The following CFAP221 variants were observed in gnomAD, a reference collection of about 807,000 sequenced individuals.
CFAP221 encodes cilia- and flagella-associated protein 221.
Under a neutral mutation model 113.1 loss-of-function variants are expected in CFAP221, and 97 were observed. The observed-to-expected ratio is 0.86, with a 90% CI of 0.73 to 1.02. The LOEUF (loss-of-function observed/expected upper bound fraction) is 1.02, where lower values mean the gene tolerates loss of function less well. CFAP221 is among the 50% of genes least tolerant of loss of function. The probability of loss-of-function intolerance (pLI) is 0.00; values close to 1 mark genes in which losing one functional copy is unlikely to be tolerated. For missense variants in CFAP221, 1,025 were observed against 1,013.4 expected (o/e 1.01, Z -0.16); for synonymous variants, 331 against 354.4 (o/e 0.93, Z 0.74).
At chr2:119,639,628 T>C (rs1381306394) in intron 20 of CFAP221, among the ~76,000 whole-genome samples, 153 bp from the exon 21 acceptor site, 3 of 152,250 alleles carry the variant, frequency 2.0e-5, no homozygotes. Context: ...CTGAAGCAAT[T>C]GCCTTTTTGC....
intron 1 of CFAP221, among the ~76,000 whole-genome samples, chr2:119,544,924 G>C (rs1471764441): frequency 6.6e-6 from 1 of 152,054 alleles, no homozygotes; most frequent in Non-Finnish European, 1.5e-5. Flanking sequence ...GTGAGGCTCC[G>C]GGAGGAGACG....
intron 11 of CFAP221, among the ~76,000 whole-genome samples, chr2:119,607,796 A>C (rs1330069916): frequency 6.6e-6 from 1 of 152,234 alleles, no homozygotes; most frequent in Non-Finnish European, 1.5e-5. Context: ...TCTTCCACTT[A>C]ACATGTTTTT....
intron 6 of CFAP221, among the ~76,000 whole-genome samples, chr2:119,583,320 T>G (rs1682971831): frequency 6.6e-6 from 1 of 151,012 alleles, no homozygotes; most frequent in African/African-American, 2.4e-5. Flanking sequence ...AGTATTATAC[T>G]AGAAGTCTTC....
intron 1 of CFAP221, among the ~76,000 whole-genome samples, chr2:119,545,482 A>T (rs919876655): frequency 1.3e-5 from 2 of 152,214 alleles, no homozygotes; most frequent in South Asian, 2.1e-4. Flanking sequence ...AGGGTTCGAC[A>T]TGAATCAAGA....
chr2:119,648,206 C>T (rs922094073), intron 22 of CFAP221, among the ~76,000 whole-genome samples: 2 of 152,226 alleles, frequency 1.3e-5, no homozygotes, highest in Non-Finnish European at 2.9e-5. Flanking sequence ...CGCTATCTGA[C>T]ACTTGGTAGG....
At chr2:119,581,393 A>G (rs1313793662) in intron 6 of CFAP221, among the ~76,000 whole-genome samples, 2 of 152,252 alleles carry the variant, frequency 1.3e-5, no homozygotes, top group African/African-American at 4.8e-5. Context: ...AGAACCATTT[A>G]GAAATCTTAA....
chr2:119,651,300 T>G (rs978135068), intron 22 of CFAP221, among the ~76,000 whole-genome samples: 1 of 152,166 alleles, frequency 6.6e-6, no homozygotes, highest in Non-Finnish European at 1.5e-5. Context: ...ACCACCTGTA[T>G]TTGTAAATAA....
At chr2:119,558,909 T>C (rs1270979989) in intron 3 of CFAP221, among the ~76,000 whole-genome samples, 1 of 152,148 alleles carries the variant, frequency 6.6e-6, no homozygotes, top group African/African-American at 2.4e-5. Flanking sequence ...GTCTAAAGTC[T>C]AATTTAGGGC....
At chr2:119,642,245 CG>C (rs1193589575) in intron 21 of CFAP221, among the ~76,000 whole-genome samples, 1 of 152,116 alleles carries the variant, frequency 6.6e-6, no homozygotes. Flanking sequence ...TGGATTTCCA[CG>C]GGATGTAAGA....
chr2:119,565,687 C>A (rs1045097194), intron 6 of CFAP221, among the ~76,000 whole-genome samples: 7 of 152,178 alleles, frequency 4.6e-5, no homozygotes, highest in Non-Finnish European at 8.8e-5. Context: ...GATAAGCATG[C>A]TACTGTTTTC....
chr2:119,608,611 C>T lies in CFAP221; in HGVS notation c.1221+22C>T, dbSNP rs765354932. 3.2e-6 allele frequency: 5 copies of T among 1,578,674 alleles called. No individual in the cohort carries two copies. The Admixed American group carries it at 8.7e-5, about 27-fold the overall frequency. ...TAAGGTCAGAGTTACTGCTAATTTG[C>T]TATCATTTGTTTCGCTAGATGTTTT... On this transcript the variant is annotated intron_variant, in intron 12 of 23. Coordinates refer to ENST00000413369, the MANE Select transcript of CFAP221 (RefSeq NM_001271049.2).
At chr2:119,602,378 C>G (rs992085178) in intron 8 of CFAP221, among the ~76,000 whole-genome samples, 6 of 151,980 alleles carry the variant, frequency 3.9e-5, no homozygotes, top group African/African-American at 1.5e-4. Context: ...TCATCTCAAA[C>G]AAACAAACAA....
chr2:119,654,683 G>C (rs1035721175), intron 23 of CFAP221, among the ~76,000 whole-genome samples: 1 of 152,050 alleles, frequency 6.6e-6, no homozygotes, highest in Non-Finnish European at 1.5e-5. Context: ...AACATTTTCT[G>C]CACACCAAGT....
At chr2:119,600,440 T>A (rs1684284764) in intron 7 of CFAP221, among the ~76,000 whole-genome samples, 1 of 152,242 alleles carries the variant, frequency 6.6e-6, no homozygotes, top group Non-Finnish European at 1.5e-5. Flanking sequence ...TCTGGTAATT[T>A]GCTTACAGAT....
chr2:119,640,068 A>G (rs778182022), intron 21 of CFAP221, among the ~76,000 whole-genome samples, 196 bp downstream of exon 21: 3 of 152,196 alleles, frequency 2.0e-5, no homozygotes, highest in Non-Finnish European at 4.4e-5. Context: ...CACTTCTTTG[A>G]AAAGTAATGT....
intron 3 of CFAP221, among the ~76,000 whole-genome samples, chr2:119,555,279 A>G (rs2587652): frequency 0.57 from 87,174 of 151,876 alleles, 25,588 homozygotes; most frequent in East Asian, 0.73. Context: ...AGGGACCCCC[A>G]GGCCAGCAGA....
chr2:119,570,425 G>A (rs1394492071), intron 6 of CFAP221, among the ~76,000 whole-genome samples: 1 of 152,118 alleles, frequency 6.6e-6, no homozygotes, highest in African/African-American at 2.4e-5. Context: ...AATTTAAAAT[G>A]TACGATTCAC....
chr2:119,601,387 C>T lies in CFAP221; in HGVS notation c.791+10C>T. ...CCAACATGGCCTTACCGTATGGCGT[C>T]TTTGCAGTGTTTTTGTTTATTTTTA... On this transcript the variant is annotated intron_variant, in intron 8 of 23. Transcript: ENST00000413369. 6.7e-7 allele frequency: 1 copy of T among 1,497,362 alleles called. No individual in the cohort carries two copies. Among genetic ancestry groups the T allele is most frequent in the Non-Finnish European group, 8.9e-7 (1 of 1,120,198 alleles). The allele number at this position is 1,497,362 out of a possible 1,614,324, so 92.8% of individuals were successfully genotyped here. A position where few individuals can be genotyped will look rare whatever the true frequency, so the allele number is the denominator to read the frequency against.
At chr2:119,586,988 C>T in intron 6 of CFAP221, 131 bp from the exon 7 acceptor site, 1 of 594,250 alleles carries the variant, frequency 1.7e-6, no homozygotes, top group East Asian at 3.0e-5. Flanking sequence ...TCCTGGCACA[C>T]AGGAAGTGCC....
Sources: gnomAD v4.1 joint callset for allele counts (sites outside exome capture counted in the v4.1 genomes callset) on GRCh38, gnomAD v4.1.1 for gene constraint, MANE v1.5 for transcripts, NCBI Gene and HGNC (gene_info 2026-07-23, HGNC 2026-07-21) for gene names.